Variants in SLC25A40 observed in about 807,000 individuals in gnomAD.
SLC25A40 encodes the protein solute carrier family 25 member 40.
In SLC25A40, 41 loss-of-function variants were observed where a neutral mutation model predicts 46.5. That is an observed-to-expected ratio of 0.88 (90% CI 0.69 to 1.14). The LOEUF (loss-of-function observed/expected upper bound fraction) is 1.14. Among genes scored for constraint, SLC25A40 ranks in the 50% most tolerant of loss-of-function variants. The pLI is 0.00. For missense variants in SLC25A40, 386 were observed against 393.6 expected (o/e 0.98, Z 0.16); for synonymous variants, 126 against 127.5 (o/e 0.99, Z 0.08).
chr7:87,854,482 T>C (rs1406430325), intron 4 of SLC25A40, among the ~76,000 whole-genome samples, 172 bp from the exon 5 acceptor site: 1 of 152,152 alleles, frequency 6.6e-6, no homozygotes, highest in Admixed American at 6.5e-5. Context: ...ACAAAATTAA[T>C]TTGATTTGCT....
chr7:87,875,308 G>GTC (rs1838976105), intron 1 of SLC25A40, among the ~76,000 whole-genome samples: 1 of 152,148 alleles, frequency 6.6e-6, no homozygotes, highest in African/African-American at 2.4e-5. Context: ...ACATAAACCT[G>GTC]TCTAAAACCA....
At chr7:87,847,220 T>A in intron 7 of SLC25A40, 98 bp from the exon 8 acceptor site, 1 of 984,510 alleles carries the variant, frequency 1.0e-6, no homozygotes, top group Non-Finnish European at 1.4e-6. Flanking sequence ...TTTTATATTT[T>A]AAACTTTTAG....
chr7:87,848,051 T>G lies in SLC25A40; in HGVS notation c.333-74A>C, dbSNP rs1159457539. 4 of 1,479,960 alleles carry G rather than the reference T, an allele frequency of 2.7e-6. No individual in the cohort carries two copies. The African/African-American group carries it at 5.8e-5, about 21-fold the overall frequency. The allele number at this position is 1,479,960 out of a possible 1,614,324, so 91.7% of individuals were successfully genotyped here. ...CATAGTCTTAACTTAAATTCAAATA[T>G]TATTATATAAGCTAAAAAAGTCTTA... On this transcript the variant is annotated intron_variant, in intron 6 of 11. Coordinates refer to ENST00000341119, the MANE Select transcript of SLC25A40 (RefSeq NM_018843.4).
chr7:87,845,543 C>T (rs1313653124), intron 8 of SLC25A40, among the ~76,000 whole-genome samples: 2 of 152,094 alleles, frequency 1.3e-5, no homozygotes, highest in Non-Finnish European at 2.9e-5. Flanking sequence ...CACACACGCG[C>T]TCATGCACAC....
chr7:87,837,073 G>A (rs1182154373), intron 10 of SLC25A40: 3 of 197,226 alleles, frequency 1.5e-5, no homozygotes, highest in Non-Finnish European at 3.1e-5. Context: ...CTCCTGACTT[G>A]ATAATGCTTG....
chr7:87,843,501 T>C (rs1838366046), intron 9 of SLC25A40, among the ~76,000 whole-genome samples: 1 of 152,090 alleles, frequency 6.6e-6, no homozygotes, highest in Non-Finnish European at 1.5e-5. Flanking sequence ...TAAAATATTA[T>C]AACTGTAATG....
At chr7:87,863,027 C>T (rs1002014400) in intron 1 of SLC25A40, among the ~76,000 whole-genome samples, 3 of 152,136 alleles carry the variant, frequency 2.0e-5, no homozygotes, top group Admixed American at 6.5e-5. Context: ...GTATCACCTT[C>T]CCCTGGCCAA....
At chr7:87,872,971 T>C (rs368429105) in intron 1 of SLC25A40, among the ~76,000 whole-genome samples, 16 of 152,202 alleles carry the variant, frequency 1.1e-4, no homozygotes, top group African/African-American at 3.9e-4. Flanking sequence ...TATCCTTTCA[T>C]GCACTTAGCC....
chr7:87,853,800 A>G (rs771734736), intron 5 of SLC25A40, among the ~76,000 whole-genome samples: 10 of 152,172 alleles, frequency 6.6e-5, no homozygotes, highest in Non-Finnish European at 1.3e-4. Flanking sequence ...CACAACGGAA[A>G]TGGGTGTGGC....
At chr7:87,849,120 A>G (rs539332329) in intron 6 of SLC25A40, among the ~76,000 whole-genome samples, 5 of 152,312 alleles carry the variant, frequency 3.3e-5, no homozygotes, top group South Asian at 2.1e-4. Flanking sequence ...ATTTTGCAAT[A>G]TATCATACAG....
At position 87,849,894 on chromosome 7, in the gene SLC25A40, G is replaced by A; in HGVS notation, c.319C>T (p.Leu107Phe). Residue 107 changes from leucine (L) to phenylalanine (F), a missense_variant, in exon 6 of 12, where the codon CTT (leucine) becomes TTT (phenylalanine). Leu to Phe is a conservative substitution (Grantham distance 22). Coordinates refer to ENST00000341119, the MANE Select transcript of SLC25A40 (RefSeq NM_018843.4). ...NEGIKSLWSG[L>F]PPTLVMAVPA... is the part of the protein sequence containing the mutation. ...ATTTCAACTTACAGGGTAGGAGGAAGGCCACTCCATAGAGATTTAATGCCC... is the reference window on the plus strand; with the variant it reads ...ATTTCAACTTACAGGGTAGGAGGAAAGCCACTCCATAGAGATTTAATGCCC... 1.3e-6 allele frequency: 2 copies of A among 1,594,556 alleles called. No individual in the cohort carries two copies. Among genetic ancestry groups the A allele is most frequent in the Non-Finnish European group, 1.7e-6 (2 of 1,171,250 alleles).
intron 1 of SLC25A40, among the ~76,000 whole-genome samples, chr7:87,869,786 T>C (rs554145207): frequency 1.2e-4 from 19 of 152,240 alleles, no homozygotes; most frequent in Non-Finnish European, 2.6e-4. Flanking sequence ...AAAGCAACTA[T>C]GATTATCTGT....
Position 87,836,605 on chromosome 7 carries a change from A to C in SLC25A40, c.904+125T>G, listed in dbSNP as rs1838261064. The C allele has an allele frequency of 1.2e-5, 7 of 567,756 alleles. No individual in the cohort carries two copies. In the East Asian group the frequency reaches 2.4e-4, roughly 19 times the overall value. 35.2% of individuals were successfully genotyped at this position (567,756 alleles called of 1,614,324 possible). The stretch of plus-strand genomic sequence containing the variant: ...TTAACATTTATTTTAACTTATAATA[A>C]AGATATTTAGGAGAAAATAAATGTA... On this transcript the variant is annotated intron_variant, in intron 11 of 11. Transcript: ENST00000341119.
intron 4 of SLC25A40, among the ~76,000 whole-genome samples, chr7:87,854,809 C>CAAA (rs1193322764): frequency 9.3e-5 from 5 of 53,550 alleles, no homozygotes; most frequent in African/African-American, 2.9e-4. Flanking sequence ...AAGACTGTCT[C>CAAA]AAAAAAAAAA....
chr7:87,850,714 G>C (rs1838494561), intron 5 of SLC25A40, among the ~76,000 whole-genome samples: 1 of 151,682 alleles, frequency 6.6e-6, no homozygotes, highest in African/African-American at 2.4e-5. Context: ...GCTGCACTGA[G>C]CTGAGATCAC....
chr7:87,862,838 G>A (rs1233399410), intron 1 of SLC25A40, among the ~76,000 whole-genome samples: 1 of 152,142 alleles, frequency 6.6e-6, no homozygotes, highest in Non-Finnish European at 1.5e-5. Flanking sequence ...AACTTGTGCA[G>A]GGAAACTCCC....
intron 4 of SLC25A40, among the ~76,000 whole-genome samples, chr7:87,855,546 A>G (rs560915237): frequency 6.6e-6 from 1 of 152,180 alleles, no homozygotes; most frequent in Non-Finnish European, 1.5e-5. Flanking sequence ...AAAGCTGTGA[A>G]TTTTGTAATA....
intron 1 of SLC25A40, among the ~76,000 whole-genome samples, chr7:87,872,456 AAAAT>A (rs1380324037): frequency 1.3e-5 from 2 of 152,330 alleles, no homozygotes; most frequent in Middle Eastern, 3.4e-3. Flanking sequence ...AAAAGAATAA[AAAAT>A]AAATAAACGT....
intron 8 of SLC25A40, among the ~76,000 whole-genome samples, chr7:87,845,469 G>A (rs971552966): frequency 3.0e-4 from 45 of 152,126 alleles, no homozygotes; most frequent in African/African-American, 1.1e-3. Flanking sequence ...TCTGGGTTGC[G>A]TGGTCCTTAT....
Sources: allele counts gnomAD v4.1 joint callset (sites outside exome capture counted in the v4.1 genomes callset), GRCh38; gene constraint gnomAD v4.1.1; transcripts MANE v1.5; gene names NCBI Gene and HGNC (gene_info 2026-07-23, HGNC 2026-07-21).